FSD1L: variants seen among roughly 807,000 people sequenced by gnomAD.
The protein encoded by FSD1L is FSD1-like protein.
FSD1L carries 45 observed loss-of-function variants against 71.6 expected under a neutral mutation model. The observed-to-expected ratio is 0.63, with a 90% CI of 0.49 to 0.81. The LOEUF (loss-of-function observed/expected upper bound fraction) is 0.81. Among genes scored for constraint, FSD1L ranks in the 30% least tolerant of loss-of-function variants. The pLI is 0.00. For synonymous variants in FSD1L, 197 were observed against 207.2 expected (o/e 0.95, Z 0.42); for missense variants, 561 against 618.1 (o/e 0.91, Z 0.98).
upstream of FSD1L, among the ~76,000 whole-genome samples, chr9:105,445,694 C>T (rs141252324): frequency 4.3e-4 from 66 of 152,300 alleles, no homozygotes; most frequent in Non-Finnish European, 7.8e-4. Context: ...AATCGCCAGG[C>T]TATTTCTCCC....
At chr9:105,510,599 C>T (rs1343017547) in intron 9 of FSD1L, among the ~76,000 whole-genome samples, 1 of 152,120 alleles carries the variant, frequency 6.6e-6, no homozygotes, top group Non-Finnish European at 1.5e-5. Context: ...ACTTAAGGTT[C>T]TTGATATGGA....
chr9:105,530,769 T>C (rs1176710575), intron 10 of FSD1L: 1 of 516,040 alleles, frequency 1.9e-6, no homozygotes, highest in Non-Finnish European at 3.4e-6. Context: ...CAGTTGACAA[T>C]CATTGATTTA....
chr9:105,547,889 A>G lies in FSD1L; in HGVS notation c.*1406A>G, dbSNP rs984118194. The stretch of plus-strand genomic sequence containing the variant: ...ATTCTCATTTAAAATATATTGTGCT[A>G]TGATAACCAACCTTCTTCCAAGGAG... On this transcript the variant is annotated 3_prime_UTR_variant, in exon 14 of 14. Coordinates refer to ENST00000481272, the MANE Select transcript of FSD1L (RefSeq NM_001145313.3). 1 of 152,038 alleles carries G rather than the reference A, an allele frequency of 6.6e-6. No individual in the cohort carries two copies. The allele number at this position is 152,038 out of a possible 1,614,324, so 9.4% of individuals were successfully genotyped here.
At chr9:105,484,201 T>G (rs1292953210) in intron 6 of FSD1L, among the ~76,000 whole-genome samples, 180 bp from the exon 7 acceptor site, 1 of 152,122 alleles carries the variant, frequency 6.6e-6, no homozygotes, top group Non-Finnish European at 1.5e-5. Flanking sequence ...AAAAAGACAT[T>G]TTGTAGTTTT....
intron 6 of FSD1L, among the ~76,000 whole-genome samples, chr9:105,480,918 C>T (rs1832131182): frequency 6.6e-6 from 1 of 152,078 alleles, no homozygotes; most frequent in African/African-American, 2.4e-5. Flanking sequence ...AAAATCTGTC[C>T]TTTTTTCAAG....
intron 10 of FSD1L, chr9:105,521,964 C>T (rs1835194656): frequency 6.2e-7 from 1 of 1,612,868 alleles, no homozygotes; most frequent in East Asian, 2.2e-5. Flanking sequence ...CATGGTTGTA[C>T]AAGTATCAAT....
intron 1 of FSD1L, among the ~76,000 whole-genome samples, chr9:105,460,023 G>A (rs1007283421): frequency 6.6e-6 from 1 of 152,176 alleles, no homozygotes; most frequent in Non-Finnish European, 1.5e-5. Flanking sequence ...GCTGTAGAGT[G>A]CTCTCTCTTC....
In FSD1L at chr9:105,549,453, T is replaced by A. The variant is rs1174872924; in HGVS notation, c.*2970T>A. 6.6e-6 allele frequency: 1 copy of A among 152,084 alleles called. No homozygotes were observed. Among genetic ancestry groups the A allele is most frequent in the Non-Finnish European group, 1.5e-5 (1 of 67,946 alleles). The allele number at this position is 152,084 out of a possible 1,614,324, so 9.4% of individuals were successfully genotyped here. A position where few individuals can be genotyped will look rare whatever the true frequency, so the allele number is the denominator to read the frequency against. ...ACACAGAAATTTAATATACAGCAAT[T>A]CTTTGAATGTTCCAGGTGTACGTAA... On this transcript the variant is annotated 3_prime_UTR_variant, in exon 14 of 14. Transcript: ENST00000481272.
chr9:105,534,033 T>C (rs1158203774), intron 10 of FSD1L, among the ~76,000 whole-genome samples: 1 of 152,204 alleles, frequency 6.6e-6, no homozygotes, highest in Admixed American at 6.5e-5. Flanking sequence ...CCGCCATTTC[T>C]ATTTTTAAGA....
chr9:105,534,317 G>T (rs1331455462), intron 10 of FSD1L, among the ~76,000 whole-genome samples, 176 bp from the exon 11 acceptor site: 2 of 152,198 alleles, frequency 1.3e-5, no homozygotes, highest in East Asian at 3.9e-4. Flanking sequence ...TTACATTTCA[G>T]TGTTTATAAT....
intron 1 of FSD1L, among the ~76,000 whole-genome samples, chr9:105,452,665 G>GCCTGCCTGCCTGCCTTCCTGCCTT (rs1830095598): frequency 3.5e-5 from 3 of 85,850 alleles, no homozygotes; most frequent in African/African-American, 1.4e-4. Flanking sequence ...CTGCCTGCCT[G>GCCTGCCTGCCTGCCTTCCTGCCTT]CCTGCCTTCC....
At chr9:105,457,851 G>A (rs1228028108) in intron 1 of FSD1L, among the ~76,000 whole-genome samples, 2 of 152,206 alleles carry the variant, frequency 1.3e-5, no homozygotes, top group South Asian at 2.1e-4. Flanking sequence ...GGGCAGCTCC[G>A]GGCACTGGCA....
At chr9:105,466,262 C>T (rs941573233) in intron 3 of FSD1L, among the ~76,000 whole-genome samples, 1 of 151,948 alleles carries the variant, frequency 6.6e-6, no homozygotes, top group African/African-American at 2.4e-5. Flanking sequence ...GAAAAATATC[C>T]CATGTTTGTG....
intron 10 of FSD1L, chr9:105,522,704 G>A: frequency 6.2e-7 from 1 of 1,609,330 alleles, no homozygotes; most frequent in Non-Finnish European, 8.5e-7. Context: ...AAGAGGACAT[G>A]AGCCAAAAAC....
Position 105,508,667 on chromosome 9 carries a change from A to G in FSD1L, c.847A>G (p.Lys283Glu), listed in dbSNP as rs1412646992. The change falls in exon 9 of 14, where the codon AAG becomes GAG. Residue 283 changes from lysine (K) to glutamate (E), a missense_variant. Lys to Glu is a moderately conservative substitution (Grantham distance 56). Around this residue, in one of 3 missense-constraint regions of FSD1L, gnomAD observed 410 missense variants for 413.5 expected, o/e 0.99. Coordinates refer to ENST00000481272, the MANE Select transcript of FSD1L (RefSeq NM_001145313.3). The part of the protein sequence containing the change: ...YMNFRVRACN[K>E]AVAGEYSDPV... Reference sequence around the variant, plus strand: ...GAATTTCAGAGTGCGAGCTTGTAACAAGGCTGTGGCTGGAGAGTATTCTGA... The same window carrying G: ...GAATTTCAGAGTGCGAGCTTGTAACGAGGCTGTGGCTGGAGAGTATTCTGA... 1.3e-6 allele frequency: 2 copies of G among 1,551,686 alleles called. No homozygotes were observed. The highest frequency in any genetic ancestry group is 2.0e-5 in the Admixed American group (1 of 50,998).
At chr9:105,542,058 GT>G (rs2131525321) in intron 13 of FSD1L, among the ~76,000 whole-genome samples, 1 of 152,294 alleles carries the variant, frequency 6.6e-6, no homozygotes, top group Non-Finnish European at 1.5e-5. Context: ...GTTTGGGGCA[GT>G]TATGAATAAA....
At chr9:105,495,056 C>A (rs1170183752) in intron 7 of FSD1L, among the ~76,000 whole-genome samples, 3 of 152,300 alleles carry the variant, frequency 2.0e-5, no homozygotes, top group African/African-American at 7.2e-5. Flanking sequence ...TTGAAGTCTG[C>A]AGAGGTTACT....
At chr9:105,519,332 C>G (rs1340537860) in intron 10 of FSD1L, among the ~76,000 whole-genome samples, 1 of 152,134 alleles carries the variant, frequency 6.6e-6, no homozygotes, top group Non-Finnish European at 1.5e-5. Flanking sequence ...GATACCAAAA[C>G]CTGGCAGAGA....
intron 6 of FSD1L, among the ~76,000 whole-genome samples, chr9:105,482,842 A>C (rs185393820): frequency 2.1e-3 from 319 of 152,272 alleles, no homozygotes; most frequent in African/African-American, 7.4e-3. Flanking sequence ...AAAATTCTCT[A>C]AAATACTTTC....
Sources: allele counts gnomAD v4.1 joint callset (sites outside exome capture counted in the v4.1 genomes callset), GRCh38; gene constraint gnomAD v4.1.1; regional missense constraint gnomAD v4.1.1; transcripts MANE v1.5; gene names NCBI Gene and HGNC (gene_info 2026-07-23, HGNC 2026-07-21).